LTBP1: variants seen among roughly 807,000 people sequenced by gnomAD.
LTBP1 encodes latent-transforming growth factor beta-binding protein 1.
Under a neutral mutation model 207.6 loss-of-function variants are expected in LTBP1, and 129 were observed. That is an observed-to-expected ratio of 0.62 (90% CI 0.54 to 0.72). The LOEUF (loss-of-function observed/expected upper bound fraction) is 0.72. Ranked by LOEUF, LTBP1 falls within the 30% of genes least tolerant of loss-of-function variation. The pLI is 0.00. For synonymous variants in LTBP1, 963 were observed against 833.7 expected (o/e 1.16, Z -2.67); for missense variants, 2,281 against 2,217.2 (o/e 1.03, Z -0.58).
chr2:33,301,405 T>C, intron 21 of LTBP1, 117 bp from the exon 22 acceptor site: 1 of 1,210,222 alleles, frequency 8.3e-7, no homozygotes, highest in Non-Finnish European at 1.1e-6. Context: ...CAATACATGA[T>C]GGTCATTACT....
chr2:33,048,887 G>T (rs903123410), intron 3 of LTBP1, among the ~76,000 whole-genome samples: 2 of 152,146 alleles, frequency 1.3e-5, no homozygotes, highest in East Asian at 1.9e-4. Flanking sequence ...ACTGTTGAAT[G>T]TGAGTTAAGA....
intron 2 of LTBP1, among the ~76,000 whole-genome samples, chr2:32,973,436 T>A (rs1257856238): frequency 6.6e-6 from 1 of 152,168 alleles, no homozygotes; most frequent in African/African-American, 2.4e-5. Context: ...CTTTTTATAT[T>A]TTTATTTTTA....
At chr2:33,393,625 C>A (rs6708477) in intron 32 of LTBP1, among the ~76,000 whole-genome samples, 28,747 of 152,008 alleles carry the variant, frequency 0.19, 3,804 homozygotes, top group East Asian at 0.74. Flanking sequence ...ATGAACTCAT[C>A]ATTTTTTATG....
rs2093053014 is a variant in LTBP1 at position 33,262,727 on chromosome 2, A to G, written c.2424A>G (p.Ile808Met). The change falls in exon 14 of 34, where the codon ATA becomes ATG. Residue 808 changes from isoleucine to methionine, a missense_variant. Ile to Met is a conservative substitution (Grantham distance 10). Around this residue, in one of 3 missense-constraint regions of LTBP1, gnomAD observed 1,671 missense variants for 1,634.8 expected, o/e 1.02. Transcript: ENST00000404816. ...EVATAPPEKEIPSLDQEKTKL... is the reference protein window; with the variant it reads ...EVATAPPEKEMPSLDQEKTKL... ...TTTAAAATACAACCATCCAGGAAAT[A>G]CCTTCATTGGATCAAGAGAAAACCA... 3 of 1,572,426 alleles carry G rather than the reference A, an allele frequency of 1.9e-6. No homozygotes were observed. The highest frequency in any genetic ancestry group is 1.7e-6 in the Non-Finnish European group (2 of 1,149,530).
chr2:33,068,737 A>G (rs2077639947), intron 3 of LTBP1, among the ~76,000 whole-genome samples: 2 of 152,200 alleles, frequency 1.3e-5, no homozygotes, highest in South Asian at 4.1e-4. Context: ...AAAGAATATC[A>G]TTCTTCACAT....
chr2:33,031,338 C>T (rs1055715408), intron 3 of LTBP1, among the ~76,000 whole-genome samples: 9 of 152,116 alleles, frequency 5.9e-5, no homozygotes, highest in African/African-American at 2.2e-4. Context: ...TCTGGTTCAC[C>T]ATAGTGAAGA....
intron 5 of LTBP1, among the ~76,000 whole-genome samples, chr2:33,160,548 T>C (rs965669676): frequency 1.3e-5 from 2 of 152,240 alleles, no homozygotes; most frequent in African/African-American, 4.8e-5. Flanking sequence ...TATTTTGTTC[T>C]TCTAATAATG....
chr2:33,332,527 G>A (rs566111143), intron 24 of LTBP1, among the ~76,000 whole-genome samples: 37 of 151,298 alleles, frequency 2.4e-4, no homozygotes, highest in African/African-American at 8.7e-4. Flanking sequence ...ATAGTTTTTA[G>A]CATTTAAAAA....
chr2:33,248,297 CTGTTA>C (rs1227449039), intron 10 of LTBP1, among the ~76,000 whole-genome samples: 1 of 152,128 alleles, frequency 6.6e-6, no homozygotes, highest in African/African-American at 2.4e-5. Context: ...TGGATTTGTT[CTGTTA>C]TTTTTCCTAA....
intron 25 of LTBP1, among the ~76,000 whole-genome samples, chr2:33,344,829 T>C (rs929704553): frequency 1.1e-4 from 17 of 152,204 alleles, no homozygotes; most frequent in African/African-American, 1.2e-4. Context: ...TTTGTTTAAC[T>C]ACCAACTGTT....
At chr2:32,964,932 C>T (rs112047164) in intron 2 of LTBP1, among the ~76,000 whole-genome samples, 7 of 151,956 alleles carry the variant, frequency 4.6e-5, no homozygotes, top group African/African-American at 1.7e-4. Flanking sequence ...CCCAGCTACT[C>T]GGGAGGCTGA....
intron 2 of LTBP1, among the ~76,000 whole-genome samples, chr2:32,950,668 T>G (rs1676964060): frequency 6.6e-6 from 1 of 151,984 alleles, no homozygotes; most frequent in South Asian, 2.1e-4. Flanking sequence ...GTAGGGGAGA[T>G]TGCAGTGAGC....
chr2:33,171,605 T>C lies in LTBP1; in HGVS notation c.1202-15251T>C, dbSNP rs1482118992. On this transcript the variant is annotated intron_variant, in intron 5 of 33. Coordinates refer to ENST00000404816, the MANE Select transcript of LTBP1 (RefSeq NM_206943.4). ...TCTGCAGGATATTATCCAGGAGAAC[T>C]TCCCCAATCTAGCAAGGCAGGCCAA... Among the ~76,000 whole-genome samples the C allele has an allele frequency of 5.4e-4, 82 of 151,692 alleles. 1 individual carries two copies. Among genetic ancestry groups the C allele is most frequent in the African/African-American group, 1.9e-3 (80 of 41,448 alleles).
chr2:33,162,478 A>G (rs1385884098), intron 5 of LTBP1, among the ~76,000 whole-genome samples: 1 of 152,178 alleles, frequency 6.6e-6, no homozygotes, highest in African/African-American at 2.4e-5. Flanking sequence ...GAACATTTTT[A>G]TGCTAATGGT....
chr2:33,032,730 C>G (rs921230489), intron 3 of LTBP1, among the ~76,000 whole-genome samples: 1 of 152,146 alleles, frequency 6.6e-6, no homozygotes, highest in South Asian at 2.1e-4. Context: ...GTTTTTGTTT[C>G]AGACTTATAT....
At chr2:33,142,721 T>G (rs2082734053) in intron 5 of LTBP1, among the ~76,000 whole-genome samples, 2 of 152,050 alleles carry the variant, frequency 1.3e-5, no homozygotes, top group African/African-American at 4.8e-5. Context: ...TAAGCTTAAC[T>G]AAAAGAGGGG....
At chr2:33,332,591 C>G (rs2094509070) in intron 24 of LTBP1, among the ~76,000 whole-genome samples, 2 of 150,726 alleles carry the variant, frequency 1.3e-5, no homozygotes, top group African/African-American at 4.9e-5. Context: ...GAGTCTTGCT[C>G]TGTCGCCCAG....
chr2:32,978,598 T>A (rs922200109), intron 2 of LTBP1, among the ~76,000 whole-genome samples: 4 of 152,102 alleles, frequency 2.6e-5, no homozygotes, highest in Non-Finnish European at 5.9e-5. Context: ...GAATTTGGTT[T>A]GTTAGTATTT....
intron 4 of LTBP1, among the ~76,000 whole-genome samples, chr2:33,120,833 A>T (rs1362418223): frequency 6.6e-6 from 1 of 152,148 alleles, no homozygotes; most frequent in Non-Finnish European, 1.5e-5. Context: ...TGTATTTTTT[A>T]AAGTAATTTT....
Sources: gnomAD v4.1 joint callset for allele counts (sites outside exome capture counted in the v4.1 genomes callset) on GRCh38, gnomAD v4.1.1 for gene constraint, gnomAD v4.1.1 regional missense constraint, MANE v1.5 for transcripts, NCBI Gene and HGNC (gene_info 2026-07-23, HGNC 2026-07-21) for gene names.